The following SUMO2 variants were observed in gnomAD, a reference collection of about 807,000 sequenced individuals.
SUMO2 encodes small ubiquitin-related modifier 2.
Under a neutral mutation model 16.0 loss-of-function variants are expected in SUMO2, and 1 was observed. The observed-to-expected ratio is 0.06, with a 90% CI of 0.02 to 0.30. The LOEUF (loss-of-function observed/expected upper bound fraction) is 0.30. Among genes scored for constraint, SUMO2 ranks in the 10% least tolerant of loss-of-function variants. The probability of loss-of-function intolerance (pLI) is 1.00; values close to 1 mark genes in which losing one functional copy is unlikely to be tolerated. For synonymous variants in SUMO2, 36 were observed against 40.6 expected (o/e 0.89, Z 0.43); for missense variants, 16 against 117.5 (o/e 0.14, Z 3.99).
rs556385577 is a variant in SUMO2 at position 75,171,159 on chromosome 17, C to G, written c.226-2758G>C. 7.3e-5 allele frequency among the ~76,000 whole-genome samples: 11 copies of G among 151,064 alleles called. No individual in the cohort carries two copies. In the East Asian group the frequency reaches 2.2e-3, roughly 30 times the overall value. On this transcript the variant is annotated intron_variant, in intron 3 of 3. Transcript: ENST00000420826. The stretch of plus-strand genomic sequence containing the variant: ...TCTATTTTTTCTTGCGATGGAGTTT[C>G]GCTGTTGTTGCCCAGGGTGGAGTGC...
intron 2 of SUMO2, among the ~76,000 whole-genome samples, chr17:75,178,490 G>C (rs1299076696): frequency 4.0e-5 from 6 of 149,404 alleles, no homozygotes; most frequent in Non-Finnish European, 5.9e-5. Context: ...CTCCAGCCTG[G>C]GCAACAGTGC....
chr17:75,182,673 G>A (rs1263348995), intron 1 of SUMO2, 141 bp downstream of exon 1: 6 of 601,418 alleles, frequency 1.0e-5, no homozygotes, highest in Non-Finnish European at 1.4e-5. Context: ...AAATGGCGCG[G>A]AGCGCCCGGG....
rs1555655450 is a variant in SUMO2, at chr17:75,180,409, A to AAAC, written c.153+647_153+648insGTT. Among the ~76,000 whole-genome samples, 8 of 144,944 alleles carry AAAC rather than the reference A, an allele frequency of 5.5e-5. 1 individual carries two copies. The highest frequency in any genetic ancestry group is 2.1e-4 in the Admixed American group (3 of 14,408). On this transcript the variant is annotated intron_variant, in intron 2 of 3. Transcript: ENST00000420826. Reference sequence around the variant, plus strand: ...TCCCAGCTTAAAAAAAAAAAAAAAAAAAAAAAAAAAAACGACTTCTTGGTT... The same window carrying AAAC: ...TCCCAGCTTAAAAAAAAAAAAAAAAAAACAAAAAAAAAAAACGACTTCTTGGTT...
intron 3 of SUMO2, among the ~76,000 whole-genome samples, chr17:75,170,611 C>A (rs980204384): frequency 1.3e-5 from 2 of 150,678 alleles, no homozygotes; most frequent in Non-Finnish European, 3.0e-5. Context: ...ACAAAAAACC[C>A]ACGGCAGGCG....
At chr17:75,170,226 T>C (rs1425491315) in intron 3 of SUMO2, among the ~76,000 whole-genome samples, 1 of 152,084 alleles carries the variant, frequency 6.6e-6, no homozygotes, top group African/African-American at 2.4e-5. Flanking sequence ...GGTGATATGT[T>C]TAAAGAATCT....
intron 3 of SUMO2, among the ~76,000 whole-genome samples, chr17:75,171,325 T>G (rs1470333444): frequency 6.6e-6 from 1 of 150,460 alleles, no homozygotes; most frequent in Admixed American, 6.6e-5. Context: ...ATACAGAAAA[T>G]AAAATAAAAA....
intron 3 of SUMO2, among the ~76,000 whole-genome samples, chr17:75,174,256 G>A (rs2145220479): frequency 6.6e-6 from 1 of 152,262 alleles, no homozygotes; most frequent in Non-Finnish European, 1.5e-5. Flanking sequence ...CAGGCATGGT[G>A]GTGCATGCCT....
intron 1 of SUMO2, 49 bp downstream of exon 1, chr17:75,182,764 GC>G: frequency 7.8e-7 from 1 of 1,289,970 alleles, no homozygotes; most frequent in Non-Finnish European, 9.9e-7. Context: ...CCCGGCCCGC[GC>G]CATGACCCCC....
chr17:75,171,130 T>C (rs1349264400), intron 3 of SUMO2, among the ~76,000 whole-genome samples: 2 of 150,976 alleles, frequency 1.3e-5, no homozygotes, highest in African/African-American at 4.9e-5. Context: ...TACATTTGTG[T>C]TTTTCTATTT....
chr17:75,176,473 G>A lies in SUMO2; in HGVS notation c.154-1650C>T, dbSNP rs899519296. ...TCTACTGAAAATACAAAAATTAGCC[G>A]AGTGTGGTGGCATCCGCCTGTAATC... On this transcript the variant is annotated intron_variant, in intron 2 of 3. Coordinates refer to ENST00000420826, the MANE Select transcript of SUMO2 (RefSeq NM_006937.4). Among the ~76,000 whole-genome samples the A allele has an allele frequency of 9.9e-5, 15 of 151,974 alleles. 1 individual carries two copies. Among genetic ancestry groups the A allele is most frequent in the Admixed American group, 5.3e-4 (8 of 15,224 alleles).
At chr17:75,179,454 G>A (rs112453153) in intron 2 of SUMO2, among the ~76,000 whole-genome samples, 1 of 151,474 alleles carries the variant, frequency 6.6e-6, no homozygotes, top group Non-Finnish European at 1.5e-5. Context: ...CTTGGTCTCG[G>A]GAGGCAGAAG....
chr17:75,177,764 G>A (rs970096929), intron 2 of SUMO2, among the ~76,000 whole-genome samples: 20 of 150,952 alleles, frequency 1.3e-4, no homozygotes, highest in African/African-American at 4.4e-4. Flanking sequence ...GTGGCGAGAC[G>A]GGTGGGTCAC....
intron 2 of SUMO2, among the ~76,000 whole-genome samples, chr17:75,178,117 T>C (rs985412744): frequency 1.4e-5 from 2 of 146,856 alleles, no homozygotes; most frequent in Non-Finnish European, 3.0e-5. Flanking sequence ...ATGATCATAA[T>C]CCTCCCACTG....
chr17:75,170,985 G>C (rs2145217184), intron 3 of SUMO2, among the ~76,000 whole-genome samples: 1 of 151,544 alleles, frequency 6.6e-6, no homozygotes, highest in African/African-American at 2.4e-5. Context: ...TACAGTGTTA[G>C]GCTAAAAACA....
At chr17:75,175,964 T>G (rs1399008048) in intron 2 of SUMO2, among the ~76,000 whole-genome samples, 1 of 152,138 alleles carries the variant, frequency 6.6e-6, no homozygotes, top group Non-Finnish European at 1.5e-5. Context: ...GCTTTACTGC[T>G]TTTCAGACAC....
At chr17:75,182,017 C>G (rs894571931) in intron 1 of SUMO2, among the ~76,000 whole-genome samples, 4 of 152,012 alleles carry the variant, frequency 2.6e-5, no homozygotes, top group Non-Finnish European at 5.9e-5. Context: ...GTCCCGTGTG[C>G]CCCGATGATG....
chr17:75,181,011 T>C (rs1216428830), intron 2 of SUMO2, 46 bp downstream of exon 2: 1 of 1,605,584 alleles, frequency 6.2e-7, no homozygotes, highest in African/African-American at 1.3e-5. Flanking sequence ...AATAAGATTT[T>C]TAAAAATAGT....
intron 1 of SUMO2, 128 bp from the exon 2 acceptor site, chr17:75,181,316 T>A: frequency 1.1e-6 from 1 of 946,458 alleles, no homozygotes; most frequent in Non-Finnish European, 1.6e-6. Flanking sequence ...AACGGCATAC[T>A]GCTGTTTTCA....
rs1177265981 is a variant in SUMO2 at position 75,166,032 on chromosome 17, AAAC to A, written c.*2304_*2306del. ...CAGAGCAAGACTCCGTCTGAAAAAA[AAAC>A]AAAAACAAAAACAAAAACTGTAGTG... is the stretch of plus-strand genomic sequence containing the variant. On this transcript the variant is annotated 3_prime_UTR_variant, in exon 4 of 4. Transcript: ENST00000420826. 2 of 148,084 alleles carry A rather than the reference AAAC, an allele frequency of 1.4e-5. No homozygotes were observed. The highest frequency in any genetic ancestry group is 3.1e-5 in the Non-Finnish European group (2 of 65,306). The allele number at this position is 148,084 out of a possible 1,614,324, so 9.2% of individuals were successfully genotyped here.
Sources: allele counts gnomAD v4.1 joint callset (sites outside exome capture counted in the v4.1 genomes callset), GRCh38; gene constraint gnomAD v4.1.1; transcripts MANE v1.5; gene names NCBI Gene and HGNC (gene_info 2026-07-23, HGNC 2026-07-21).